FOXP1: variants seen among roughly 807,000 people sequenced by gnomAD.
The protein encoded by FOXP1 is forkhead box P1.
A neutral mutation model predicts 98.2 loss-of-function variants in FOXP1; 15 were observed. That is an observed-to-expected ratio of 0.15 (90% CI 0.10 to 0.24). The LOEUF (loss-of-function observed/expected upper bound fraction) is 0.24, where lower values mean the gene tolerates loss of function less well. FOXP1 is among the 10% of genes least tolerant of loss of function. The pLI is 1.00. For synonymous variants in FOXP1, 371 were observed against 314.5 expected (o/e 1.18, Z -1.90); for missense variants, 633 against 848.5 (o/e 0.75, Z 3.15).
chr3:71,104,815 A>C (rs891676438), intron 7 of FOXP1, among the ~76,000 whole-genome samples: 8 of 152,138 alleles, frequency 5.3e-5, no homozygotes, highest in African/African-American at 1.7e-4. Context: ...ATAAACCCTA[A>C]ACCTGACTGT....
chr3:71,430,021 T>C (rs1456960292), intron 3 of FOXP1, among the ~76,000 whole-genome samples: 3 of 152,214 alleles, frequency 2.0e-5, no homozygotes, highest in Non-Finnish European at 2.9e-5. Context: ...GAAATGAAGA[T>C]TCCTTTTTCC....
At chr3:71,433,437 A>G (rs1007554203) in intron 3 of FOXP1, among the ~76,000 whole-genome samples, 2 of 152,344 alleles carry the variant, frequency 1.3e-5, no homozygotes, top group African/African-American at 2.4e-5. Flanking sequence ...CAGGGAAACA[A>G]CTTTACGGGT....
At chr3:71,003,145 C>T (rs1261431186) in intron 12 of FOXP1, among the ~76,000 whole-genome samples, 6 of 152,194 alleles carry the variant, frequency 3.9e-5, no homozygotes, top group African/African-American at 7.2e-5. Context: ...GCTGCACCAT[C>T]GCTCTTCAAA....
chr3:71,510,486 A>G (rs1211731247), intron 2 of FOXP1, among the ~76,000 whole-genome samples: 1 of 152,208 alleles, frequency 6.6e-6, no homozygotes, highest in Non-Finnish European at 1.5e-5. Context: ...CTAAAAAAAA[A>G]AAATCAGTTG....
At chr3:71,321,434 A>G (rs2075386603) in intron 4 of FOXP1, among the ~76,000 whole-genome samples, 1 of 152,174 alleles carries the variant, frequency 6.6e-6, no homozygotes, top group South Asian at 2.1e-4. Context: ...TTAAGTGACC[A>G]TGGAATAAAA....
At chr3:71,148,854 C>G (rs2060441862) in intron 6 of FOXP1, among the ~76,000 whole-genome samples, 2 of 152,312 alleles carry the variant, frequency 1.3e-5, no homozygotes, top group South Asian at 2.1e-4. Context: ...GGGTGAAGCA[C>G]TCTACTCAAA....
intron 7 of FOXP1, among the ~76,000 whole-genome samples, chr3:71,073,829 G>C (rs2053520997): frequency 1.3e-5 from 2 of 152,288 alleles, no homozygotes; most frequent in South Asian, 4.2e-4. Context: ...TGGAAGAGCT[G>C]GGATGTGACT....
chr3:71,561,407 C>CAAAAAAAAAAAAA lies in FOXP1; in HGVS notation c.-298+20129_-298+20141dup, dbSNP rs56792827. Among the ~76,000 whole-genome samples the CAAAAAAAAAAAAA allele has an allele frequency of 7.4e-5, 3 of 40,312 alleles. 1 individual carries two copies. The highest frequency in any genetic ancestry group is 7.1e-5 in the Non-Finnish European group (1 of 14,086). The allele number at this position is 40,312 out of a possible 152,430, so 26.4% of individuals were successfully genotyped here. Reference sequence around the variant, plus strand: ...TGAATTCTATCTCAATAAAGCTGGCCAAAAAAAAAAAAAAAAAAAGCCAGC... The same window carrying CAAAAAAAAAAAAA: ...TGAATTCTATCTCAATAAAGCTGGCCAAAAAAAAAAAAAAAAAAAAAAAAAAAAAAAAGCCAGC... On this transcript the variant is annotated intron_variant, in intron 2 of 20. Transcript: ENST00000649528.
chr3:71,310,305 G>T (rs922700051), intron 4 of FOXP1, among the ~76,000 whole-genome samples: 1 of 152,186 alleles, frequency 6.6e-6, no homozygotes, highest in Non-Finnish European at 1.5e-5. Flanking sequence ...GAAAGTTATA[G>T]CCTGTTTGTG....
chr3:71,179,926 A>T (rs1457852890), intron 6 of FOXP1, among the ~76,000 whole-genome samples: 1 of 152,204 alleles, frequency 6.6e-6, no homozygotes, highest in Non-Finnish European at 1.5e-5. Flanking sequence ...AAAACATCTG[A>T]ATTGCACCCA....
rs188877861 is a variant in FOXP1, at chr3:71,328,270, G to T, written c.-72-28390C>A. Among the ~76,000 whole-genome samples the T allele has an allele frequency of 4.6e-5, 7 of 151,924 alleles. No homozygotes were observed. The East Asian group carries it at 9.7e-4, about 21-fold the overall frequency. On this transcript the variant is annotated intron_variant, in intron 4 of 20. Coordinates refer to ENST00000649528, the MANE Select transcript of FOXP1 (RefSeq NM_001349338.3). ...ATGGTAAAACCCCGTTTCTACCAAA[G>T]AAATAAAAAATAAAAATTTAAAAAT...
At chr3:71,525,244 A>C (rs1247998184) in intron 2 of FOXP1, among the ~76,000 whole-genome samples, 5 of 152,242 alleles carry the variant, frequency 3.3e-5, no homozygotes, top group African/African-American at 1.2e-4. Context: ...TGGATAAAAA[A>C]ATTAGCTTTA....
intron 6 of FOXP1, among the ~76,000 whole-genome samples, chr3:71,139,307 C>G (rs1381914111): frequency 6.6e-6 from 1 of 152,088 alleles, no homozygotes; most frequent in Non-Finnish European, 1.5e-5. Flanking sequence ...AATGCACTGA[C>G]TTCTCTAAAT....
chr3:71,287,388 C>T lies in FOXP1; in HGVS notation c.-12+12432G>A, dbSNP rs77044097. On this transcript the variant is annotated intron_variant, in intron 5 of 20. Coordinates refer to ENST00000649528, the MANE Select transcript of FOXP1 (RefSeq NM_001349338.3). ...CATTGAGGCTGAGGGGAGAGGATCACCTGAGCCTGGGAGGCAAGAGAATGC... is the reference window on the plus strand; with the variant it reads ...CATTGAGGCTGAGGGGAGAGGATCATCTGAGCCTGGGAGGCAAGAGAATGC... Among the ~76,000 whole-genome samples, 1,518 of 152,142 alleles carry T rather than the reference C, an allele frequency of 1.0e-2. 30 individuals are homozygous for T. The highest frequency in any genetic ancestry group is 0.034 in the African/African-American group (1,421 of 41,500).
intron 5 of FOXP1, among the ~76,000 whole-genome samples, chr3:71,205,617 T>TG (rs2063978887): frequency 6.6e-6 from 1 of 151,986 alleles, no homozygotes; most frequent in Admixed American, 6.6e-5. Flanking sequence ...TAAGAACCCA[T>TG]GGAAGTGAGG....
At chr3:71,329,134 C>T (rs987070310) in intron 4 of FOXP1, among the ~76,000 whole-genome samples, 1 of 152,102 alleles carries the variant, frequency 6.6e-6, no homozygotes, top group African/African-American at 2.4e-5. Context: ...CCTGATCAAG[C>T]TGCTTGGGTG....
chr3:71,026,229 G>A (rs555661845), intron 11 of FOXP1, among the ~76,000 whole-genome samples: 23 of 152,160 alleles, frequency 1.5e-4, no homozygotes, highest in Admixed American at 5.9e-4. Context: ...TTAGAATGAG[G>A]CTCATTTTAT....
chr3:71,532,335 G>A (rs941674448), intron 2 of FOXP1, among the ~76,000 whole-genome samples: 7 of 152,104 alleles, frequency 4.6e-5, no homozygotes, highest in East Asian at 3.9e-4. Flanking sequence ...GAGCTCAAGC[G>A]ATCTGCCTAC....
At chr3:70,985,393 C>A (rs1304051032) in intron 14 of FOXP1, among the ~76,000 whole-genome samples, 1 of 149,524 alleles carries the variant, frequency 6.7e-6, no homozygotes, top group Non-Finnish European at 1.5e-5. Flanking sequence ...TTTTTTTTTT[C>A]TTTTTGGCAA....
Sources: allele counts gnomAD v4.1 joint callset (sites outside exome capture counted in the v4.1 genomes callset), GRCh38; gene constraint gnomAD v4.1.1; transcripts MANE v1.5; gene names NCBI Gene and HGNC (gene_info 2026-07-23, HGNC 2026-07-21).